The following TPRG1 variants were observed in gnomAD, a reference collection of about 807,000 sequenced individuals.
The protein encoded by TPRG1 is tumor protein p63 regulated 1.
TPRG1 carries 29 observed loss-of-function variants against 29.3 expected under a neutral mutation model. That is an observed-to-expected ratio of 0.99 (90% confidence interval 0.74 to 1.35). The LOEUF (loss-of-function observed/expected upper bound fraction) is 1.35, where lower values mean the gene tolerates loss of function less well. Among genes scored for constraint, TPRG1 ranks in the 40% most tolerant of loss-of-function variants. The probability of loss-of-function intolerance (pLI) is 0.00; values close to 1 mark genes in which losing one functional copy is unlikely to be tolerated. For synonymous variants in TPRG1, 130 were observed against 116.8 expected, an observed-to-expected ratio of 1.11 and a Z score of -0.73; for missense variants, 327 against 335.0, an observed-to-expected ratio of 0.98 and a Z score of 0.19.
intron 4 of TPRG1, among the ~76,000 whole-genome samples, chr3:189,292,682 A>G (rs1719217822): frequency 6.6e-6 from 1 of 152,152 alleles, no homozygotes; most frequent in African/African-American, 2.4e-5. Context: ...TAACTTCTTT[A>G]TGGAATAAAC....
chr3:189,094,964 G>C (rs569507634), intron 4 of TPRG1, among the ~76,000 whole-genome samples: 1 of 152,290 alleles, frequency 6.6e-6, no homozygotes, highest in East Asian at 1.9e-4. Context: ...TTTTACAGAG[G>C]CACTCTCCGT....
At chr3:189,065,908 G>C (rs1348960070) in intron 4 of TPRG1, among the ~76,000 whole-genome samples, 1 of 151,916 alleles carries the variant, frequency 6.6e-6, no homozygotes, top group East Asian at 1.9e-4. Context: ...AAAATCCCAA[G>C]GAATCTAAAG....
chr3:189,072,749 A>G (rs1231086326), intron 4 of TPRG1, among the ~76,000 whole-genome samples: 2 of 151,320 alleles, frequency 1.3e-5, no homozygotes, highest in Non-Finnish European at 2.9e-5. Context: ...CGTTCTCTTT[A>G]TATCTCTCTA....
intron 4 of TPRG1, among the ~76,000 whole-genome samples, chr3:189,241,160 G>C (rs895604876): frequency 6.6e-6 from 1 of 152,078 alleles, no homozygotes; most frequent in Non-Finnish European, 1.5e-5. Flanking sequence ...AATTTTAACC[G>C]ATGAGTATTG....
intron 4 of TPRG1, among the ~76,000 whole-genome samples, chr3:189,027,681 G>A (rs140822048): frequency 6.6e-6 from 1 of 152,158 alleles, no homozygotes; most frequent in East Asian, 1.9e-4. Context: ...CTCAGTTTGA[G>A]TTAGTCTATG....
At chr3:189,055,741 G>C (rs538048116) in intron 4 of TPRG1, among the ~76,000 whole-genome samples, 1 of 152,112 alleles carries the variant, frequency 6.6e-6, no homozygotes, top group Non-Finnish European at 1.5e-5. Context: ...CAAAGCTAGC[G>C]TTCATGAAAT....
intron 4 of TPRG1, among the ~76,000 whole-genome samples, chr3:189,048,849 T>C (rs1715131189): frequency 1.3e-5 from 2 of 152,094 alleles, no homozygotes; most frequent in Admixed American, 1.3e-4. Context: ...AGGGAGACCC[T>C]CCCGTCCGCA....
intron 3 of TPRG1, among the ~76,000 whole-genome samples, chr3:189,236,183 T>G (rs1484194748): frequency 6.6e-6 from 1 of 152,180 alleles, no homozygotes; most frequent in Non-Finnish European, 1.5e-5. Context: ...GACATGTAAA[T>G]TATGCAGAGT....
At chr3:189,284,496 T>C (rs1029675856) in intron 4 of TPRG1, among the ~76,000 whole-genome samples, 20 of 152,032 alleles carry the variant, frequency 1.3e-4, no homozygotes, top group African/African-American at 4.8e-4. Flanking sequence ...AGAATGATGG[T>C]TTCCAGCTTC....
chr3:189,130,630 C>T (rs774857134), intron 2 of TPRG1, among the ~76,000 whole-genome samples: 26 of 149,972 alleles, frequency 1.7e-4, no homozygotes, highest in Non-Finnish European at 3.1e-4. Context: ...TGTAGATTCC[C>T]TTCTGTGAGT....
intron 2 of TPRG1, among the ~76,000 whole-genome samples, chr3:189,209,234 G>A (rs373405173): frequency 3.9e-5 from 6 of 152,296 alleles, no homozygotes; most frequent in East Asian, 3.9e-4. Context: ...ACCCCTTGCC[G>A]TTAAGTAAAC....
At chr3:189,174,537 C>T (rs1161174736) in intron 1 of TPRG1, among the ~76,000 whole-genome samples, 4 of 152,212 alleles carry the variant, frequency 2.6e-5, no homozygotes, top group Non-Finnish European at 5.9e-5. Context: ...TCCTTTCAAT[C>T]ATTCTCTTTC....
intron 5 of TPRG1, among the ~76,000 whole-genome samples, chr3:189,161,628 ACT>A (rs1727501025): frequency 6.6e-6 from 1 of 151,994 alleles, no homozygotes; most frequent in South Asian, 2.1e-4. Flanking sequence ...CCATTTTTTC[ACT>A]CTTTATCCAC....
At chr3:189,195,064 C>G (rs986831737) in intron 1 of TPRG1, among the ~76,000 whole-genome samples, 9 of 152,158 alleles carry the variant, frequency 5.9e-5, no homozygotes, top group Admixed American at 5.9e-4. Flanking sequence ...CCCTGAGATG[C>G]AAAGCTGCTC....
chr3:189,108,489 C>T (rs1435114150), intron 1 of TPRG1, among the ~76,000 whole-genome samples: 1 of 150,784 alleles, frequency 6.6e-6, no homozygotes, highest in African/African-American at 2.4e-5. Flanking sequence ...TTTTACTTAA[C>T]ATTTGGCAGC....
At chr3:189,274,385 T>C (rs1715737191) in intron 4 of TPRG1, among the ~76,000 whole-genome samples, 1 of 151,242 alleles carries the variant, frequency 6.6e-6, no homozygotes, top group African/African-American at 2.4e-5. Flanking sequence ...TTGGGAAAAA[T>C]GTAATTGCCG....
In TPRG1 at chr3:189,234,756, A is replaced by T. The variant is rs144616360; in HGVS notation, c.303-3977A>T. Among the ~76,000 whole-genome samples, 78 of 152,332 alleles carry T rather than the reference A, an allele frequency of 5.1e-4. 2 individuals are homozygous for T. The East Asian group carries it at 0.013, about 24-fold the overall frequency. ...CTGAATTTGTATTTTCAGAGTTTAC[A>T]GTATAGGAGGGGAGACAGACATTAA... On this transcript the variant is annotated intron_variant, in intron 3 of 5. Transcript: ENST00000345063.
intron 1 of TPRG1, among the ~76,000 whole-genome samples, chr3:189,116,233 A>G (rs1268691889): frequency 1.3e-5 from 2 of 152,142 alleles, no homozygotes; most frequent in Non-Finnish European, 2.9e-5. Context: ...GCTGGTGTGC[A>G]GTGGCGTGAT....
chr3:189,312,185 T>TTTTC (rs71169041), intron 5 of TPRG1, among the ~76,000 whole-genome samples: 1 of 47,434 alleles, frequency 2.1e-5, no homozygotes, highest in East Asian at 6.9e-4. Context: ...TTCTTTCTTT[T>TTTTC]TTTCTTTCTT....
Sources: allele counts gnomAD v4.1 joint callset (sites outside exome capture counted in the v4.1 genomes callset), GRCh38; gene constraint gnomAD v4.1.1; transcripts MANE v1.5; gene names NCBI Gene and HGNC (gene_info 2026-07-23, HGNC 2026-07-21).